MSL3: variants seen among roughly 807,000 people sequenced by gnomAD.
MSL3 encodes the protein MSL3-like 1.
In MSL3, 5 loss-of-function variants were observed where a neutral mutation model predicts 37.2. The observed-to-expected ratio is 0.13, with a 90% CI of 0.07 to 0.28. The LOEUF (loss-of-function observed/expected upper bound fraction) is 0.28, where lower values mean the gene tolerates loss of function less well. Among genes scored for constraint, MSL3 ranks in the 10% least tolerant of loss-of-function variants. The pLI is 1.00. For synonymous variants in MSL3, 149 were observed against 147.6 expected, an observed-to-expected ratio of 1.01 and a Z score of -0.07; for missense variants, 315 against 408.5, an observed-to-expected ratio of 0.77 and a Z score of 1.97.
rs749183286 is a variant in MSL3 at position 11,765,613 on chromosome X, C to T, written c.1055C>T (p.Thr352Met). ...GCATTGCAGTCTCTGAGGCGGTCCA[C>T]GCGCCACAGTGCCAACTGTGACAGG... is the stretch of plus-strand genomic sequence containing the variant. ...PEALQSLRRS[T>M]RHSANCDRLS... is the part of the protein sequence containing the mutation. Residue 352 changes from threonine (T) to methionine (M), a missense_variant, in exon 9 of 13, where the codon ACG (threonine) becomes ATG (methionine). Coordinates refer to ENST00000312196, the MANE Select transcript of MSL3 (RefSeq NM_078629.4). 9.9e-6 allele frequency: 12 copies of T among 1,209,664 alleles called. No homozygotes were observed. Among genetic ancestry groups the T allele is most frequent in the Middle Eastern group, 2.3e-4 (1 of 4,376 alleles).
chrX:11,762,278 T>C (rs2053140230), intron 6 of MSL3, 26 bp downstream of exon 6: 2 of 1,123,487 alleles, frequency 1.8e-6, no homozygotes, highest in African/African-American at 3.8e-5. Flanking sequence ...GTATAAAACA[T>C]TAATTTGTTT....
At chrX:11,763,600 TTA>T (rs1231159393) in intron 7 of MSL3, among the ~76,000 whole-genome samples, 178 bp from the exon 8 acceptor site, 1 of 112,893 alleles carries the variant, frequency 8.9e-6, no homozygotes, top group Non-Finnish European at 1.9e-5. Context: ...TTTCTGCACT[TTA>T]TGTTTTCCTA....
Position 11,758,466 on chromosome X carries a change from G to A in MSL3, c.102+101G>A, listed in dbSNP as rs965043306. ...CCGCGCGGAGCTGAGGGACCGGCCG[G>A]GCTCCTCGGCCTGCGAGGAGCGGTG... On this transcript the variant is annotated intron_variant, in intron 1 of 12. Coordinates refer to ENST00000312196, the MANE Select transcript of MSL3 (RefSeq NM_078629.4). 1.1e-5 allele frequency: 10 copies of A among 944,052 alleles called. No individual in the cohort carries two copies. The East Asian group carries it at 1.7e-4, about 16-fold the overall frequency. 77.8% of individuals were successfully genotyped at this position (944,052 alleles called of 1,213,427 possible).
chrX:11,770,923 CACTGGGCAGGT>C (rs1430278603), intron 10 of MSL3, among the ~76,000 whole-genome samples: 1 of 111,965 alleles, frequency 8.9e-6, no homozygotes, highest in Non-Finnish European at 1.9e-5. Context: ...CAGCTGTGTG[CACTGGGCAGGT>C]GCTGGGGATG....
intron 10 of MSL3, 55 bp from the exon 11 acceptor site, chrX:11,772,101 G>A (rs1389864799): frequency 1.2e-6 from 1 of 846,538 alleles, no homozygotes; most frequent in Non-Finnish European, 1.7e-6. Flanking sequence ...TTGTTAGGTG[G>A]TTGGAAGTGT....
At chrX:11,762,734 A>G (rs2053143876) in intron 6 of MSL3, 103 bp from the exon 7 acceptor site, 1 of 826,514 alleles carries the variant, frequency 1.2e-6, no homozygotes, top group African/African-American at 2.1e-5. Context: ...GCTTTGGTTT[A>G]TTTTTGAGTT....
intron 1 of MSL3, among the ~76,000 whole-genome samples, chrX:11,759,358 G>T (rs1004289841): frequency 2.7e-5 from 3 of 111,743 alleles, no homozygotes; most frequent in African/African-American, 9.8e-5. Context: ...GGAGGGGGGG[G>T]GGCACGCCCC....
chrX:11,773,980 C>T (rs1441041575), intron 12 of MSL3, among the ~76,000 whole-genome samples: 1 of 112,169 alleles, frequency 8.9e-6, no homozygotes, highest in Non-Finnish European at 1.9e-5. Flanking sequence ...CACTGGGAAG[C>T]AAGCATAAGG....
In MSL3 at chrX:11,762,878, G is replaced by T. The variant is rs748733058; in HGVS notation, c.630G>T (p.Leu210Phe). The change falls in exon 7 of 13, where the codon TTG (leucine) becomes TTT (phenylalanine). Residue 210 changes from leucine to phenylalanine, a missense_variant. Coordinates refer to ENST00000312196, the MANE Select transcript of MSL3 (RefSeq NM_078629.4). ...LPCQTNIITI[L>F]ESYVKHFAIN... ...GCCAGACCAACATCATAACGATTTT[G>T]GAATCCTATGTGAAGCATTTTGCTA... is the stretch of plus-strand genomic sequence containing the variant. The T allele has an allele frequency of 2.7e-5, 33 of 1,207,609 alleles. No individual in the cohort carries two copies. Among genetic ancestry groups the T allele is most frequent in the Admixed American group, 8.8e-5 (4 of 45,435 alleles).
At chrX:11,762,486 G>A (rs1601767354) in intron 6 of MSL3, among the ~76,000 whole-genome samples, 1 of 112,293 alleles carries the variant, frequency 8.9e-6, no homozygotes, top group South Asian at 3.7e-4. Flanking sequence ...TTTCCAGAAT[G>A]CTGCTGCTTG....
At chrX:11,774,956 A>T (rs2053261868) in intron 12 of MSL3, 24 bp from the exon 13 acceptor site, 1 of 1,129,924 alleles carries the variant, frequency 8.9e-7, no homozygotes. Flanking sequence ...TATGGTGCTC[A>T]TTGGGGCTAT....
Position 11,759,894 on chromosome X carries a change from C to T in MSL3, c.185+19C>T, listed in dbSNP as rs778634154. ...ACAGAAGGTGAGTGAACTTGTTAAACCAGACTGAAAATTGATTGTCTTTGC... is the reference window on the plus strand; with the variant it reads ...ACAGAAGGTGAGTGAACTTGTTAAATCAGACTGAAAATTGATTGTCTTTGC... On this transcript the variant is annotated intron_variant, in intron 2 of 12. Coordinates refer to ENST00000312196, the MANE Select transcript of MSL3 (RefSeq NM_078629.4). 3.3e-6 allele frequency: 4 copies of T among 1,204,407 alleles called. No individual in the cohort carries two copies. The highest frequency in any genetic ancestry group is 4.5e-6 in the Non-Finnish European group (4 of 891,378).
rs1392285101 is a variant in MSL3 at position 11,768,564 on chromosome X, C to G, written c.1172-9C>G. On this transcript the variant is annotated splice_polypyrimidine_tract_variant and intron_variant, in intron 9 of 12. Coordinates refer to ENST00000312196, the MANE Select transcript of MSL3 (RefSeq NM_078629.4). Reference sequence around the variant, plus strand: ...GCTGTGTGAATAATTTCATCTTTTTCTTTGGAAGAGACACCTGTGCATAGC... The same window carrying G: ...GCTGTGTGAATAATTTCATCTTTTTGTTTGGAAGAGACACCTGTGCATAGC... 2 of 1,135,874 alleles carry G rather than the reference C, an allele frequency of 1.8e-6. No individual in the cohort carries two copies. The highest frequency in any genetic ancestry group is 3.6e-5 in the African/African-American group (2 of 55,673). The allele number at this position is 1,135,874 out of a possible 1,213,427, so 93.6% of individuals were successfully genotyped here.
At chrX:11,759,037 A>G (rs953621516) in intron 1 of MSL3, among the ~76,000 whole-genome samples, 1 of 112,147 alleles carries the variant, frequency 8.9e-6, no homozygotes, top group African/African-American at 3.2e-5. Flanking sequence ...CACATCTTGC[A>G]GCTCCTCAGA....
At chrX:11,758,571 G>A in intron 1 of MSL3, 1 of 1,111,374 alleles carries the variant, frequency 9.0e-7, no homozygotes, top group Non-Finnish European at 1.2e-6. Flanking sequence ...CCTTCCGTCA[G>A]GCCGGGCGGC....
At chrX:11,758,603 G>T in intron 1 of MSL3, 3 of 1,135,297 alleles carry the variant, frequency 2.6e-6, no homozygotes, top group African/African-American at 1.8e-5. Flanking sequence ...TGGGAGCCTC[G>T]CCCATGCTTT....
At chrX:11,772,889 A>T (rs1207476118) in intron 12 of MSL3, among the ~76,000 whole-genome samples, 184 bp downstream of exon 12, 1 of 111,371 alleles carries the variant, frequency 9.0e-6, no homozygotes, top group Admixed American at 9.5e-5. Flanking sequence ...TCTTTTTTCC[A>T]TAATTTCTCT....
At chrX:11,763,966 C>T in intron 8 of MSL3, 28 bp downstream of exon 8, 4 of 1,159,723 alleles carry the variant, frequency 3.4e-6, no homozygotes, top group Non-Finnish European at 4.7e-6. Flanking sequence ...CACTTTCACC[C>T]TCACATGTCA....
intron 9 of MSL3, 173 bp from the exon 10 acceptor site, chrX:11,768,400 C>T: frequency 2.4e-6 from 1 of 410,464 alleles, no homozygotes; most frequent in Non-Finnish European, 4.2e-6. Flanking sequence ...TGCTTTATTC[C>T]TTATTTTTTT....
Sources: allele counts gnomAD v4.1 joint callset (sites outside exome capture counted in the v4.1 genomes callset), GRCh38; gene constraint gnomAD v4.1.1; transcripts MANE v1.5; gene names NCBI Gene and HGNC (gene_info 2026-07-23, HGNC 2026-07-21).